PEMT: variants seen among roughly 807,000 people sequenced by gnomAD.
The protein encoded by PEMT is phospholipid methyltransferase.
In PEMT, 23 loss-of-function variants were observed where a neutral mutation model predicts 27.4. That is an observed-to-expected ratio of 0.84 (90% confidence interval 0.60 to 1.19). PEMT has a LOEUF of 1.19. Among genes scored for constraint, PEMT ranks in the 50% most tolerant of loss-of-function variants. The pLI is 0.00. For synonymous variants in PEMT, 137 were observed against 139.1 expected (o/e 0.98, Z 0.11); for missense variants, 307 against 310.1 (o/e 0.99, Z 0.07).
intron 5 of PEMT, chr17:17,507,235 A>G: frequency 6.6e-7 from 1 of 1,504,718 alleles, no homozygotes; most frequent in Non-Finnish European, 9.0e-7. Context: ...GGAGGAAGAG[A>G]GGAAGGAGAG....
intron 3 of PEMT, among the ~76,000 whole-genome samples, chr17:17,519,654 T>C (rs1277051476): frequency 6.6e-6 from 1 of 152,152 alleles, no homozygotes; most frequent in African/African-American, 2.4e-5. Context: ...CCCTCTACTC[T>C]CTGCCTTGAA....
rs1054297954 is a variant in PEMT, at chr17:17,513,150, G to A, written c.321-496C>T. 2.6e-5 allele frequency among the ~76,000 whole-genome samples: 4 copies of A among 152,232 alleles called. No individual in the cohort carries two copies. Among genetic ancestry groups the A allele is most frequent in the African/African-American group, 9.6e-5 (4 of 41,466 alleles). On this transcript the variant is annotated intron_variant, in intron 3 of 6. Coordinates refer to ENST00000255389, the MANE Select transcript of PEMT (RefSeq NM_148172.3). This position sits in a 1 kb window ranked among gnomAD's most constrained non-coding sequence, Gnocchi z 4.1. ...GAGGCCTGGGGCATGCTCTGTGCTA[G>A]GGATTGCGCTTCCACAGCCCCTGTG... is the stretch of plus-strand genomic sequence containing the variant.
At chr17:17,576,851 T>A (rs1360060972) in intron 2 of PEMT, 69 bp downstream of exon 2, 5 of 1,258,940 alleles carry the variant, frequency 4.0e-6, no homozygotes, top group African/African-American at 1.5e-5. Context: ...ACCACCGCGA[T>A]CCCCTGCATG....
At chr17:17,529,661 G>T (rs888760023) in intron 2 of PEMT, among the ~76,000 whole-genome samples, 1 of 152,206 alleles carries the variant, frequency 6.6e-6, no homozygotes, top group African/African-American at 2.4e-5. Flanking sequence ...ATGGCACAGC[G>T]GGGGACACTC....
chr17:17,543,266 T>A (rs952018894), intron 2 of PEMT, among the ~76,000 whole-genome samples: 1 of 152,262 alleles, frequency 6.6e-6, no homozygotes, highest in Non-Finnish European at 1.5e-5. Flanking sequence ...GGGACTCTGC[T>A]GAGCACTCCA....
At chr17:17,538,137 G>A (rs1351986753) in intron 2 of PEMT, among the ~76,000 whole-genome samples, 1 of 152,182 alleles carries the variant, frequency 6.6e-6, no homozygotes, top group African/African-American at 2.4e-5. Context: ...TCAGTGACCT[G>A]CAGGCCCCAC....
At chr17:17,566,794 C>T (rs1009343111) in intron 2 of PEMT, among the ~76,000 whole-genome samples, 1 of 152,188 alleles carries the variant, frequency 6.6e-6, no homozygotes, top group Non-Finnish European at 1.5e-5. Flanking sequence ...AGGTCGCGAA[C>T]GAACCTCACC....
chr17:17,567,926 C>T (rs1910940463), intron 2 of PEMT, among the ~76,000 whole-genome samples: 1 of 152,260 alleles, frequency 6.6e-6, no homozygotes, highest in South Asian at 2.1e-4. Context: ...TTGGAGCCCA[C>T]TGGATATGCG....
intron 2 of PEMT, among the ~76,000 whole-genome samples, chr17:17,568,017 T>C (rs1249807490): frequency 1.3e-5 from 2 of 151,928 alleles, no homozygotes; most frequent in Non-Finnish European, 2.9e-5. Context: ...CATCCTAACT[T>C]CTGACACACA....
At chr17:17,560,510 A>G (rs572663092) in intron 2 of PEMT, among the ~76,000 whole-genome samples, 13 of 152,334 alleles carry the variant, frequency 8.5e-5, no homozygotes, top group African/African-American at 2.4e-4. Context: ...CCACATAGCT[A>G]AGGAGCAACA....
rs70965407 is a variant in PEMT, at chr17:17,510,557, C to T, written c.467-1012G>A. On this transcript the variant is annotated intron_variant, in intron 4 of 6. Coordinates refer to ENST00000255389, the MANE Select transcript of PEMT (RefSeq NM_148172.3). ...GGACCACTGGAAAGTTCTTTCTTCC[C>T]AGGAAGCAGGAAGTGGGGCACAGGG... Among the ~76,000 whole-genome samples the T allele has an allele frequency of 5.3e-3, 800 of 152,308 alleles. 3 individuals are homozygous for T. Among genetic ancestry groups the T allele is most frequent in the African/African-American group, 0.019 (779 of 41,566 alleles).
At chr17:17,556,737 C>T (rs1035846972) in intron 2 of PEMT, among the ~76,000 whole-genome samples, 1 of 152,186 alleles carries the variant, frequency 6.6e-6, no homozygotes, top group Non-Finnish European at 1.5e-5. Context: ...CTCCCTCCTT[C>T]AGAGAGGCCA....
At chr17:17,555,695 C>G (rs997108063) in intron 2 of PEMT, among the ~76,000 whole-genome samples, 1 of 152,224 alleles carries the variant, frequency 6.6e-6, no homozygotes, top group African/African-American at 2.4e-5. Flanking sequence ...GGCCCATCCA[C>G]CCAGACCACT....
intron 2 of PEMT, among the ~76,000 whole-genome samples, chr17:17,542,875 G>A (rs1320012761): frequency 1.3e-5 from 2 of 152,266 alleles, no homozygotes; most frequent in African/African-American, 4.8e-5. Context: ...GCTGCAGGGA[G>A]TACCCCAGGG....
intron 2 of PEMT, among the ~76,000 whole-genome samples, chr17:17,527,278 C>T (rs1907740418): frequency 6.6e-6 from 1 of 152,312 alleles, no homozygotes. Context: ...CTCAGGTGAT[C>T]CGCCCGCCTC....
At chr17:17,541,746 G>A (rs971098354) in intron 2 of PEMT, among the ~76,000 whole-genome samples, 2 of 152,230 alleles carry the variant, frequency 1.3e-5, no homozygotes, top group Non-Finnish European at 2.9e-5. Context: ...CTCAGCGACC[G>A]GGGCCTGCCC....
chr17:17,509,900 C>T (rs771927807), intron 4 of PEMT, among the ~76,000 whole-genome samples: 1 of 152,300 alleles, frequency 6.6e-6, no homozygotes, highest in Middle Eastern at 3.4e-3. Context: ...GAGCGCCTTT[C>T]CTCCTCAGGC....
intron 1 of PEMT, among the ~76,000 whole-genome samples, chr17:17,588,828 CT>C (rs1351966714): frequency 2.6e-5 from 4 of 152,252 alleles, no homozygotes; most frequent in African/African-American, 9.6e-5. Context: ...CTTCAGGCAG[CT>C]GCCCAGCTGA....
chr17:17,552,643 G>C (rs985275102), intron 2 of PEMT, among the ~76,000 whole-genome samples: 53 of 152,248 alleles, frequency 3.5e-4, no homozygotes, highest in African/African-American at 1.3e-3. Flanking sequence ...GTGGCCCTGC[G>C]TGGAGATGCC....
Sources: gnomAD v4.1 joint callset for allele counts (sites outside exome capture counted in the v4.1 genomes callset) on GRCh38, gnomAD v4.1.1 for gene constraint, Gnocchi (gnomAD v3.1) non-coding constraint, MANE v1.5 for transcripts, NCBI Gene and HGNC (gene_info 2026-07-23, HGNC 2026-07-21) for gene names.